PGM1: variants seen among roughly 807,000 people sequenced by gnomAD.
PGM1 encodes phosphoglucomutase-1.
A neutral mutation model predicts 55.6 loss-of-function variants in PGM1; 52 were observed. The ratio of observed to expected loss-of-function variants is 0.94; its 90% CI spans 0.75 to 1.18. PGM1 has a LOEUF of 1.18. Ranked by LOEUF, PGM1 falls within the 50% of genes most tolerant of loss-of-function variation. PGM1 has a pLI of 0.00. For synonymous variants in PGM1, 287 were observed against 271.7 expected (o/e 1.06, Z -0.55); for missense variants, 724 against 729.3 (o/e 0.99, Z 0.08).
At chr1:63,596,602 C>G (rs912147055) in intron 1 of PGM1, among the ~76,000 whole-genome samples, 2 of 152,092 alleles carry the variant, frequency 1.3e-5, no homozygotes, top group Non-Finnish European at 1.5e-5. Flanking sequence ...ATTTTGTTCA[C>G]TCTCTCTACT....
intron 3 of PGM1, among the ~76,000 whole-genome samples, chr1:63,630,697 G>C (rs1649171738): frequency 6.6e-6 from 1 of 152,192 alleles, no homozygotes; most frequent in Non-Finnish European, 1.5e-5. Context: ...ACATTTTGTT[G>C]TTGAATTATT....
intron 7 of PGM1, 63 bp downstream of exon 7, chr1:63,638,863 G>T: frequency 8.7e-7 from 1 of 1,145,358 alleles, no homozygotes; most frequent in Non-Finnish European, 1.3e-6. Flanking sequence ...TAAAAGCTTA[G>T]ACTGCTAAGG....
At chr1:63,614,040 T>G (rs1440454345) in intron 1 of PGM1, among the ~76,000 whole-genome samples, 3 of 152,176 alleles carry the variant, frequency 2.0e-5, no homozygotes, top group Non-Finnish European at 4.4e-5. Context: ...TCCTTATCAG[T>G]AAAATGGGAA....
chr1:63,611,990 G>T (rs780203348), intron 1 of PGM1, among the ~76,000 whole-genome samples: 4 of 152,122 alleles, frequency 2.6e-5, no homozygotes, highest in African/African-American at 9.7e-5. Context: ...GGTGGCTCAC[G>T]CCTGGCCTGT....
In PGM1 at chr1:63,631,645, T is replaced by C. The variant is rs1376060890; in HGVS notation, c.557-12T>C. ...TAATCCTTCCATCTTTTGATGTTGC[T>C]TGTTCTCACAGTGGAAATTGTGGAT... is the stretch of plus-strand genomic sequence containing the variant. On this transcript the variant is annotated splice_polypyrimidine_tract_variant and intron_variant, in intron 3 of 10. Transcript: ENST00000371084. 1.2e-6 allele frequency: 2 copies of C among 1,612,172 alleles called. No individual in the cohort carries two copies. The highest frequency in any genetic ancestry group is 1.3e-5 in the African/African-American group (1 of 74,996).
At chr1:63,653,009 T>G (rs984068443) in intron 9 of PGM1, among the ~76,000 whole-genome samples, 1 of 152,284 alleles carries the variant, frequency 6.6e-6, no homozygotes, top group South Asian at 2.1e-4. Flanking sequence ...GTTTGTGTCA[T>G]TAAGCCTTCA....
intron 1 of PGM1, among the ~76,000 whole-genome samples, chr1:63,597,396 T>C (rs1257560943): frequency 6.6e-6 from 1 of 152,208 alleles, no homozygotes; most frequent in Non-Finnish European, 1.5e-5. Context: ...GAGGATTAGA[T>C]GAAACAACAT....
intron 1 of PGM1, among the ~76,000 whole-genome samples, chr1:63,603,243 A>G (rs972566513): frequency 2.0e-5 from 3 of 152,252 alleles, no homozygotes; most frequent in Non-Finnish European, 4.4e-5. Flanking sequence ...AAGTCAGGAA[A>G]AGAGCCTGGG....
At chr1:63,621,588 T>C (rs1400412869) in intron 1 of PGM1, among the ~76,000 whole-genome samples, 1 of 152,216 alleles carries the variant, frequency 6.6e-6, no homozygotes, top group South Asian at 2.1e-4. Flanking sequence ...AAATCATTTA[T>C]AGTACGTTGA....
intron 8 of PGM1, 78 bp from the exon 9 acceptor site, chr1:63,651,591 A>T (rs961557794): frequency 1.5e-6 from 2 of 1,371,800 alleles, no homozygotes; most frequent in Admixed American, 1.9e-5. Flanking sequence ...CAAACAAATG[A>T]TGAAGAAAGT....
intron 1 of PGM1, among the ~76,000 whole-genome samples, chr1:63,612,611 A>G (rs140908713): frequency 2.3e-4 from 35 of 152,236 alleles, no homozygotes; most frequent in Non-Finnish European, 3.7e-4. Flanking sequence ...CATGTTGAGT[A>G]GCGCCATGAA....
rs1431769589 is a variant in PGM1 at position 63,593,899 on chromosome 1, C to T, written c.246+165C>T. 1.4e-5 allele frequency: 18 copies of T among 1,253,878 alleles called. No homozygotes were observed. The East Asian group carries it at 6.5e-4, about 45-fold the overall frequency. 77.7% of individuals were successfully genotyped at this position (1,253,878 alleles called of 1,614,324 possible). On this transcript the variant is annotated intron_variant, in intron 1 of 10. Transcript: ENST00000371084. The stretch of plus-strand genomic sequence containing the variant: ...CGCGCTCGCTCTTCTGGCCTGGAGG[C>T]CCGACGGAGGTCGCCGGGCTGGGGA...
At chr1:63,633,940 T>TATTTA (rs1557433810) in intron 4 of PGM1, among the ~76,000 whole-genome samples, 15 of 117,310 alleles carry the variant, frequency 1.3e-4, no homozygotes, top group African/African-American at 3.3e-4. Flanking sequence ...ATATTTTTTT[T>TATTTA]TTTTTTTTTT....
intron 10 of PGM1, 107 bp downstream of exon 10, chr1:63,654,573 AC>A: frequency 9.4e-7 from 1 of 1,058,762 alleles, no homozygotes; most frequent in Non-Finnish European, 1.5e-6. Context: ...TCAACAAGGT[AC>A]CAGCTGTGCT....
In PGM1 at chr1:63,630,078, AC is replaced by A; in HGVS notation, c.549del (p.Phe184SerfsTer9). The A allele has an allele frequency of 6.2e-7, 1 of 1,613,558 alleles. No homozygotes were observed. The highest frequency in any genetic ancestry group is 8.5e-7 in the Non-Finnish European group (1 of 1,179,796). ...AGTTTGACTTGGAAAATAAGTTCAA[AC>A]CCTTCACAGGCATGTTTACTTTCCT... ...QQFDLENKFKPFTVEIVDSVE... is the reference protein window; with the variant it reads ...QQFDLENKFKXFTVEIVDSVE... On this transcript the variant is annotated frameshift_variant, in exon 3 of 11. Transcript: ENST00000371084. LOFTEE classifies it high-confidence loss of function.
intron 8 of PGM1, 34 bp downstream of exon 8, chr1:63,648,686 G>A: frequency 6.2e-7 from 1 of 1,611,120 alleles, no homozygotes; most frequent in East Asian, 2.2e-5. Flanking sequence ...ACAAGGTAAG[G>A]TGGGGAAGTG....
chr1:63,609,512 G>T (rs1431294810), intron 1 of PGM1, among the ~76,000 whole-genome samples: 2 of 152,104 alleles, frequency 1.3e-5, no homozygotes, highest in African/African-American at 4.8e-5. Context: ...GTTACAACAG[G>T]GTGCGAATTC....
chr1:63,612,032 G>A (rs1648580830), intron 1 of PGM1, among the ~76,000 whole-genome samples: 1 of 152,056 alleles, frequency 6.6e-6, no homozygotes, highest in Admixed American at 6.5e-5. Flanking sequence ...CAAGGTGGGT[G>A]GATCACTTTA....
intron 8 of PGM1, among the ~76,000 whole-genome samples, chr1:63,650,486 T>G (rs1649779637): frequency 1.3e-5 from 2 of 152,214 alleles, no homozygotes; most frequent in Admixed American, 1.3e-4. Flanking sequence ...AAGAGCTGAC[T>G]TTAAGATTAA....
Sources: gnomAD v4.1 joint callset for allele counts (sites outside exome capture counted in the v4.1 genomes callset) on GRCh38, gnomAD v4.1.1 for gene constraint, MANE v1.5 for transcripts, NCBI Gene and HGNC (gene_info 2026-07-23, HGNC 2026-07-21) for gene names.